CACNA2D1: variants seen among roughly 807,000 people sequenced by gnomAD.
CACNA2D1 encodes voltage-dependent calcium channel subunit alpha-2/delta-1.
A neutral mutation model predicts 171.5 loss-of-function variants in CACNA2D1; 53 were observed. The observed-to-expected ratio is 0.31, with a 90% CI of 0.25 to 0.39. The LOEUF is 0.39. Among genes scored for constraint, CACNA2D1 ranks in the 10% least tolerant of loss-of-function variants. The pLI is 1.00. For synonymous variants in CACNA2D1, 442 were observed against 443.1 expected, an observed-to-expected ratio of 1.00 and a Z score of 0.03; for missense variants, 903 against 1,299.8, an observed-to-expected ratio of 0.69 and a Z score of 4.69.
At chr7:82,279,302 G>C (rs569430736) in intron 3 of CACNA2D1, among the ~76,000 whole-genome samples, 300 of 152,138 alleles carry the variant, frequency 2.0e-3, no homozygotes, top group African/African-American at 7.0e-3. Context: ...TTAATAACTG[G>C]AATTTATTTA....
intron 5 of CACNA2D1, among the ~76,000 whole-genome samples, chr7:82,117,532 T>A (rs945770734): frequency 1.3e-5 from 2 of 152,128 alleles, no homozygotes; most frequent in Non-Finnish European, 2.9e-5. Context: ...ACGCCTGTAA[T>A]CCCAGCACTT....
At chr7:82,133,350 T>A (rs1364359993) in intron 5 of CACNA2D1, among the ~76,000 whole-genome samples, 3 of 152,158 alleles carry the variant, frequency 2.0e-5, no homozygotes, top group Non-Finnish European at 4.4e-5. Flanking sequence ...GGGTTTCCCA[T>A]GTTGAGGGCA....
intron 6 of CACNA2D1, among the ~76,000 whole-genome samples, chr7:82,088,723 G>A (rs557878326): frequency 1.3e-5 from 2 of 152,078 alleles, no homozygotes; most frequent in African/African-American, 2.4e-5. Context: ...TGTATAACAG[G>A]TGAATGGTAT....
intron 6 of CACNA2D1, among the ~76,000 whole-genome samples, chr7:82,107,270 AC>A (rs1415607634): frequency 6.6e-6 from 1 of 152,180 alleles, no homozygotes; most frequent in Admixed American, 6.5e-5. Context: ...GGAAGTTTTC[AC>A]ATACAACAGA....
chr7:82,350,430 C>T (rs773872392), intron 1 of CACNA2D1, among the ~76,000 whole-genome samples: 16 of 152,190 alleles, frequency 1.1e-4, no homozygotes, highest in Admixed American at 4.6e-4. Context: ...CTTTGGGAGG[C>T]CGAGGCAGGT....
chr7:82,420,622 T>C (rs1181443209), intron 1 of CACNA2D1, among the ~76,000 whole-genome samples: 2 of 152,210 alleles, frequency 1.3e-5, no homozygotes, highest in Non-Finnish European at 2.9e-5. Context: ...AATCCAGTTC[T>C]GTCTCTTATA....
At chr7:82,011,983 A>G in intron 15 of CACNA2D1, 171 bp downstream of exon 15, 1 of 630,478 alleles carries the variant, frequency 1.6e-6, no homozygotes, top group Non-Finnish European at 2.8e-6. Context: ...ACTACATACG[A>G]GTCTATGTTT....
At chr7:82,434,392 G>A (rs1212675284) in intron 1 of CACNA2D1, among the ~76,000 whole-genome samples, 2 of 152,076 alleles carry the variant, frequency 1.3e-5, no homozygotes, top group Non-Finnish European at 2.9e-5. Context: ...TGTAACATAG[G>A]TAAACTTGTG....
intron 5 of CACNA2D1, among the ~76,000 whole-genome samples, chr7:82,117,886 A>G (rs1346608815): frequency 2.6e-5 from 4 of 152,176 alleles, no homozygotes; most frequent in Admixed American, 6.5e-5. Context: ...TAAATTTCAC[A>G]ATTTATTTAA....
chr7:82,443,871 G>C, upstream of CACNA2D1: 1 of 396,214 alleles, frequency 2.5e-6, no homozygotes, highest in Non-Finnish European at 4.3e-6. Flanking sequence ...CGGCGCTGGA[G>C]GGTGGGGGTG....
At chr7:82,186,609 T>C (rs1030117863) in intron 3 of CACNA2D1, among the ~76,000 whole-genome samples, 2 of 152,238 alleles carry the variant, frequency 1.3e-5, no homozygotes, top group East Asian at 3.9e-4. Flanking sequence ...ACAGATAGTC[T>C]CAAAGAAATA....
intron 1 of CACNA2D1, among the ~76,000 whole-genome samples, chr7:82,358,257 C>T (rs1162829730): frequency 6.6e-6 from 1 of 152,114 alleles, no homozygotes; most frequent in Non-Finnish European, 1.5e-5. Context: ...GTAAAAATAA[C>T]ACAAGTAAGC....
intron 4 of CACNA2D1, among the ~76,000 whole-genome samples, chr7:82,138,343 T>G (rs1791923969): frequency 1.3e-5 from 2 of 152,150 alleles, no homozygotes; most frequent in Admixed American, 1.3e-4. Context: ...TTACATTATT[T>G]GATTTTCAAA....
intron 12 of CACNA2D1, among the ~76,000 whole-genome samples, chr7:82,022,018 C>A (rs944200740): frequency 3.3e-5 from 5 of 151,930 alleles, no homozygotes; most frequent in Non-Finnish European, 7.4e-5. Flanking sequence ...TACATCATAT[C>A]ATATACTCTG....
chr7:82,111,223 G>A (rs949657261), intron 6 of CACNA2D1, among the ~76,000 whole-genome samples: 1 of 148,320 alleles, frequency 6.7e-6, no homozygotes, highest in Admixed American at 6.8e-5. Flanking sequence ...GTCTAAAAAA[G>A]CTATTTTCCT....
chr7:82,056,535 G>A (rs976997136), intron 10 of CACNA2D1, among the ~76,000 whole-genome samples: 1 of 151,930 alleles, frequency 6.6e-6, no homozygotes, highest in African/African-American at 2.4e-5. Context: ...CCCATGAATG[G>A]AGGAGCTTGA....
chr7:82,007,196 A>G (rs374689660), intron 16 of CACNA2D1, among the ~76,000 whole-genome samples: 3 of 152,144 alleles, frequency 2.0e-5, no homozygotes, highest in Non-Finnish European at 2.9e-5. Context: ...TAGAAAAAAA[A>G]AGAGAAATAT....
chr7:81,962,526 A>C, intron 34 of CACNA2D1, 31 bp from the exon 35 acceptor site: 1 of 1,405,504 alleles, frequency 7.1e-7, no homozygotes, highest in Non-Finnish European at 9.9e-7. Flanking sequence ...AAAAATAAAC[A>C]TCTAGGGAAA....
At chr7:82,043,922 G>C (rs754511051) in intron 10 of CACNA2D1, among the ~76,000 whole-genome samples, 75 of 152,164 alleles carry the variant, frequency 4.9e-4, no homozygotes, top group Non-Finnish European at 9.1e-4. Context: ...CAGTCAAGTA[G>C]TTCTGCACTG....
Sources: gnomAD v4.1 joint callset for allele counts (sites outside exome capture counted in the v4.1 genomes callset) on GRCh38, gnomAD v4.1.1 for gene constraint, MANE v1.5 for transcripts, NCBI Gene and HGNC (gene_info 2026-07-23, HGNC 2026-07-21) for gene names.